Variants in TULP4 observed in about 807,000 individuals in gnomAD.
TULP4 encodes the protein TUB like protein 4.
TULP4 carries 16 observed loss-of-function variants against 129.0 expected under a neutral mutation model. That is an observed-to-expected ratio of 0.12 (90% CI 0.08 to 0.19). TULP4 has a LOEUF of 0.19. Among genes scored for constraint, TULP4 ranks in the 10% least tolerant of loss-of-function variants. The pLI is 1.00. For synonymous variants in TULP4, 998 were observed against 854.0 expected (o/e 1.17, Z -2.94); for missense variants, 1,842 against 2,059.1 (o/e 0.89, Z 2.04).
intron 1 of TULP4, among the ~76,000 whole-genome samples, chr6:158,367,744 GAAGA>G (rs1051501266): frequency 5.3e-5 from 8 of 152,052 alleles, no homozygotes; most frequent in African/African-American, 1.9e-4. Flanking sequence ...TTTCTAAGTA[GAAGA>G]AAGAATTGTA....
At chr6:158,391,060 G>A (rs1338075105) in intron 1 of TULP4, among the ~76,000 whole-genome samples, 2 of 152,156 alleles carry the variant, frequency 1.3e-5, no homozygotes, top group Non-Finnish European at 2.9e-5. Flanking sequence ...GGGCAACAGA[G>A]TGAGACTCCA....
chr6:158,311,095 C>T (rs563715244), upstream of TULP4, among the ~76,000 whole-genome samples: 7 of 152,194 alleles, frequency 4.6e-5, no homozygotes, highest in Non-Finnish European at 7.4e-5. Context: ...CGGAAGAAGG[C>T]AAATTATGTC....
At chr6:158,474,021 A>G (rs373392667) in intron 6 of TULP4, among the ~76,000 whole-genome samples, 2 of 149,668 alleles carry the variant, frequency 1.3e-5, no homozygotes, top group African/African-American at 2.5e-5. Context: ...GGGTCTTGCT[A>G]TGTTGCCCAA....
At chr6:158,272,846 ATACT>A (rs948944929) in intron 1 of TULP4, among the ~76,000 whole-genome samples, 2 of 152,158 alleles carry the variant, frequency 1.3e-5, no homozygotes. Flanking sequence ...TTCTCAATAC[ATACT>A]TTATCTTAGC....
At chr6:158,317,671 C>T (rs1779522685) in intron 1 of TULP4, among the ~76,000 whole-genome samples, 1 of 152,022 alleles carries the variant, frequency 6.6e-6, no homozygotes, top group Admixed American at 6.6e-5. Context: ...GGGTATATAC[C>T]CAGTAATGGG....
chr6:158,254,237 G>T (rs1018088623), intron 1 of TULP4, among the ~76,000 whole-genome samples: 4 of 152,044 alleles, frequency 2.6e-5, no homozygotes, highest in African/African-American at 9.7e-5. Context: ...CCGCCTTCTG[G>T]GTTTAAATGA....
rs1175327328 is a variant in TULP4, at chr6:158,247,603, T to C, written n.68+15300T>C. On this transcript the variant is annotated intron_variant and non_coding_transcript_variant, in intron 1 of 1. Coordinates refer to the TULP4 transcript ENST00000620026. ...AAACTTCTTGAGTCAGTTATACCTCTGATTTGTGTGTGTGAATGTTTTTCA... is the reference window on the plus strand; with the variant it reads ...AAACTTCTTGAGTCAGTTATACCTCCGATTTGTGTGTGTGAATGTTTTTCA... 2.0e-5 allele frequency among the ~76,000 whole-genome samples: 3 copies of C among 152,244 alleles called. No individual in the cohort carries two copies. In the East Asian group the frequency reaches 5.8e-4, roughly 29 times the overall value.
intron 9 of TULP4, among the ~76,000 whole-genome samples, chr6:158,491,312 C>T (rs891773061): frequency 6.6e-6 from 1 of 152,226 alleles, no homozygotes; most frequent in African/African-American, 2.4e-5. Context: ...GGCCACTTGG[C>T]TGTCTTCTTC....
chr6:158,450,006 T>A (rs1014373974), intron 4 of TULP4, among the ~76,000 whole-genome samples: 1 of 152,256 alleles, frequency 6.6e-6, no homozygotes, highest in Non-Finnish European at 1.5e-5. Context: ...ATTTATCATT[T>A]CTTTGTGTTG....
At chr6:158,318,441 C>G (rs908760758) in intron 1 of TULP4, among the ~76,000 whole-genome samples, 16 of 152,168 alleles carry the variant, frequency 1.1e-4, no homozygotes, top group African/African-American at 3.6e-4. Context: ...GTTGGTCATC[C>G]TACTGCCCAG....
In TULP4 at chr6:158,494,758, C is replaced by G; in HGVS notation, c.1782C>G (p.Asn594Lys). The change falls in exon 11 of 14, where the codon AAC (asparagine) becomes AAG (lysine). Residue 594 changes from asparagine to lysine, a missense_variant. By Grantham distance (94) the Asn-to-Lys change is moderately conservative. This residue lies in a region of TULP4 where 456 missense variants were observed against 534.3 expected (regional missense o/e 0.85). Transcript: ENST00000367097. ...EFPFEDITQH[N>K]YLAQVTSNIW... is the part of the protein sequence containing the mutation. ...TTCTTTTCTTCCTACCGCAGCACAA[C>G]TATCTTGCTCAGGTCACGTCTAATA... 6.2e-7 allele frequency: 1 copy of G among 1,612,366 alleles called. No homozygotes were observed. Among genetic ancestry groups the G allele is most frequent in the Non-Finnish European group, 8.5e-7 (1 of 1,179,412 alleles).
In TULP4 at chr6:158,234,119, A is replaced by C. The variant is rs181038066; in HGVS notation, n.68+1816A>C. ...TGCATTTACTATTGTTTATTTTAAA[A>C]TAATGTCCTCTTCATTTAGAAAGAG... On this transcript the variant is annotated intron_variant and non_coding_transcript_variant, in intron 1 of 1. Coordinates refer to the TULP4 transcript ENST00000620026. 5.3e-4 allele frequency among the ~76,000 whole-genome samples: 81 copies of C among 152,336 alleles called. 1 individual carries two copies. The highest frequency in any genetic ancestry group is 1.8e-3 in the African/African-American group (74 of 41,574).
chr6:158,326,472 C>T (rs778553700), intron 1 of TULP4, among the ~76,000 whole-genome samples: 60 of 152,118 alleles, frequency 3.9e-4, no homozygotes, highest in Admixed American at 7.2e-4. Flanking sequence ...TCTCTTTGCC[C>T]CCTATTTATT....
At chr6:158,354,853 A>G (rs1361491498) in intron 1 of TULP4, among the ~76,000 whole-genome samples, 1 of 140,156 alleles carries the variant, frequency 7.1e-6, no homozygotes, top group African/African-American at 2.7e-5. Context: ...GCGCCACTGT[A>G]CTCCAGTCTA....
At chr6:158,274,223 A>T (rs901993497) in intron 1 of TULP4, among the ~76,000 whole-genome samples, 5 of 151,842 alleles carry the variant, frequency 3.3e-5, no homozygotes, top group Non-Finnish European at 5.9e-5. Flanking sequence ...ACACCACAGC[A>T]CTCCAGCCTG....
At chr6:158,350,468 C>G (rs1478818407) in intron 1 of TULP4, among the ~76,000 whole-genome samples, 1 of 152,252 alleles carries the variant, frequency 6.6e-6, no homozygotes, top group Admixed American at 6.5e-5. Context: ...ACTCTGTCTG[C>G]AATCCCAGCA....
chr6:158,294,948 T>G (rs1779003286), intron 1 of TULP4, among the ~76,000 whole-genome samples: 1 of 152,194 alleles, frequency 6.6e-6, no homozygotes, highest in Admixed American at 6.5e-5. Flanking sequence ...TGGGCTCAAG[T>G]GATCTGCCTG....
Position 158,510,648 on chromosome 6 carries a change from T to G in TULP4, c.*3954T>G, listed in dbSNP as rs1413980052. On this transcript the variant is annotated 3_prime_UTR_variant, in exon 14 of 14. Coordinates refer to ENST00000367097, the MANE Select transcript of TULP4 (RefSeq NM_020245.5). ...ATCTTTTGTGCACCTCTAAATGTGT[T>G]TGGAATTGTGTTTGTTCTCATAGAA... The G allele has an allele frequency of 6.6e-6, 1 of 152,234 alleles. No individual in the cohort carries two copies. The highest frequency in any genetic ancestry group is 2.4e-5 in the African/African-American group (1 of 41,444). 9.4% of individuals were successfully genotyped at this position (152,234 alleles called of 1,614,324 possible). A position where few individuals can be genotyped will look rare whatever the true frequency, so the allele number is the denominator to read the frequency against.
At chr6:158,488,981 G>T (rs1226431934) in intron 8 of TULP4, among the ~76,000 whole-genome samples, 1 of 152,170 alleles carries the variant, frequency 6.6e-6, no homozygotes, top group Non-Finnish European at 1.5e-5. Flanking sequence ...AGAACCCAGA[G>T]CCATCCTGGG....
Sources: allele counts gnomAD v4.1 joint callset (sites outside exome capture counted in the v4.1 genomes callset), GRCh38; gene constraint gnomAD v4.1.1; regional missense constraint gnomAD v4.1.1; transcripts MANE v1.5; gene names NCBI Gene and HGNC (gene_info 2026-07-23, HGNC 2026-07-21).